Variants in PHYHIPL observed in about 807,000 individuals in gnomAD.
PHYHIPL encodes phytanoyl-CoA 2-hydroxylase interacting protein like, also known as phytanoyl-CoA hydroxylase-interacting protein-like.
PHYHIPL carries 9 observed loss-of-function variants against 33.4 expected under a neutral mutation model. The ratio of observed to expected loss-of-function variants is 0.27; its 90% CI spans 0.16 to 0.47. PHYHIPL has a LOEUF of 0.47. PHYHIPL is among the 20% of genes least tolerant of loss of function. PHYHIPL has a pLI of 0.99. For synonymous variants in PHYHIPL, 153 were observed against 154.1 expected, an observed-to-expected ratio of 0.99 and a Z score of 0.05; for missense variants, 365 against 460.7, an observed-to-expected ratio of 0.79 and a Z score of 1.90.
rs539131572 is a variant in PHYHIPL at position 59,245,710 on chromosome 10, A to G, written c.*119A>G. On this transcript the variant is annotated 3_prime_UTR_variant, in exon 5 of 5. Coordinates refer to ENST00000373880, the MANE Select transcript of PHYHIPL (RefSeq NM_032439.4). ...AAGCATGCACATGCCACTGTCACCA[A>G]AACAAACAACTACCACTTTCCAAAT... 7.4e-5 allele frequency: 85 copies of G among 1,143,134 alleles called. No individual in the cohort carries two copies. The South Asian group carries it at 1.3e-3, about 17-fold the overall frequency. The allele number at this position is 1,143,134 out of a possible 1,614,324, so 70.8% of individuals were successfully genotyped here. A position where few individuals can be genotyped will look rare whatever the true frequency, so the allele number is the denominator to read the frequency against.
chr10:59,200,851 G>A (rs1176035170), intron 1 of PHYHIPL, among the ~76,000 whole-genome samples: 2 of 152,162 alleles, frequency 1.3e-5, no homozygotes, highest in African/African-American at 4.8e-5. Flanking sequence ...GCATAGAGAT[G>A]TTCATAGTAT....
intron 1 of PHYHIPL, chr10:59,177,393 A>C (rs1838283218): frequency 7.4e-7 from 1 of 1,353,884 alleles, no homozygotes; most frequent in African/African-American, 1.5e-5. Flanking sequence ...TCTTCCAGAA[A>C]CTTATCATTT....
chr10:59,200,016 A>T (rs763212055), intron 1 of PHYHIPL, among the ~76,000 whole-genome samples: 3 of 152,120 alleles, frequency 2.0e-5, no homozygotes, highest in Admixed American at 6.5e-5. Context: ...GGTCAATTTG[A>T]CTTCCTCTTT....
At chr10:59,180,316 A>ATGTGTG (rs1219566088) in intron 1 of PHYHIPL, among the ~76,000 whole-genome samples, 39 of 5,890 alleles carry the variant, frequency 6.6e-3, no homozygotes, top group African/African-American at 0.021. Flanking sequence ...TAGAAAAAGT[A>ATGTGTG]TATATATATA....
intron 1 of PHYHIPL, among the ~76,000 whole-genome samples, chr10:59,218,993 C>G (rs956572949): frequency 6.6e-6 from 1 of 151,986 alleles, no homozygotes; most frequent in Admixed American, 6.6e-5. Context: ...AGCAGTGGCA[C>G]AATCTCGGCT....
intron 1 of PHYHIPL, among the ~76,000 whole-genome samples, chr10:59,200,213 C>G (rs1163279559): frequency 6.6e-6 from 1 of 152,052 alleles, no homozygotes; most frequent in African/African-American, 2.4e-5. Flanking sequence ...CAACTCTTAT[C>G]ATTTTGAGAT....
At chr10:59,199,006 T>G (rs1378947233) in intron 1 of PHYHIPL, among the ~76,000 whole-genome samples, 1 of 152,188 alleles carries the variant, frequency 6.6e-6, no homozygotes, top group East Asian at 1.9e-4. Context: ...TTCTGTACGT[T>G]GCCTGTTCAC....
At chr10:59,229,019 A>G (rs1840004397) in intron 1 of PHYHIPL, among the ~76,000 whole-genome samples, 2 of 152,120 alleles carry the variant, frequency 1.3e-5, no homozygotes, top group South Asian at 4.1e-4. Context: ...AATAAGTTAG[A>G]TATGTTCTAT....
intron 4 of PHYHIPL, among the ~76,000 whole-genome samples, chr10:59,243,308 A>G (rs142585992): frequency 1.3e-5 from 2 of 152,216 alleles, no homozygotes; most frequent in African/African-American, 4.8e-5. Context: ...ATATCCTTCA[A>G]TAATAAAAGG....
chr10:59,218,737 T>C (rs1488278840), intron 1 of PHYHIPL, among the ~76,000 whole-genome samples: 1 of 127,076 alleles, frequency 7.9e-6, no homozygotes, highest in African/African-American at 2.6e-5. Flanking sequence ...TACATAATTA[T>C]AAATATTGAG....
At chr10:59,231,726 A>C (rs1275475636) in intron 1 of PHYHIPL, among the ~76,000 whole-genome samples, 1 of 152,134 alleles carries the variant, frequency 6.6e-6, no homozygotes, top group African/African-American at 2.4e-5. Context: ...TTACAAATCT[A>C]TCTCTATCTA....
In PHYHIPL at chr10:59,247,541, T is replaced by C; in HGVS notation, c.*1950T>C. 9 of 1,591,642 alleles carry C rather than the reference T, an allele frequency of 5.7e-6. No homozygotes were observed. The highest frequency in any genetic ancestry group is 7.7e-6 in the Non-Finnish European group (9 of 1,165,358). ...CCATTTTCATTGTGTCAAAACTACTTAGCAAGGATGGCAGAGGAAAATAAA... is the reference window on the plus strand; with the variant it reads ...CCATTTTCATTGTGTCAAAACTACTCAGCAAGGATGGCAGAGGAAAATAAA... On this transcript the variant is annotated 3_prime_UTR_variant, in exon 5 of 5. Coordinates refer to ENST00000373880, the MANE Select transcript of PHYHIPL (RefSeq NM_032439.4).
rs1589313648 is a variant in PHYHIPL at position 59,247,353 on chromosome 10, G to C, written c.*1762G>C. 2.4e-6 allele frequency: 1 copy of C among 420,776 alleles called. No individual in the cohort carries two copies. Among genetic ancestry groups the C allele is most frequent in the African/African-American group, 2.1e-5 (1 of 47,634 alleles). The allele number at this position is 420,776 out of a possible 1,614,324, so 26.1% of individuals were successfully genotyped here. ...ATATTAGACATTTTTAAAAATACTT[G>C]TATTGACTATGAGTTTTCTGCTTGG... On this transcript the variant is annotated 3_prime_UTR_variant, in exon 5 of 5. Coordinates refer to ENST00000373880, the MANE Select transcript of PHYHIPL (RefSeq NM_032439.4).
intron 1 of PHYHIPL, among the ~76,000 whole-genome samples, chr10:59,215,264 A>T (rs2436569): frequency 3.3e-5 from 5 of 151,810 alleles, no homozygotes; most frequent in Non-Finnish European, 7.4e-5. Context: ...TACAGAAAAG[A>T]TCATTGCCTT....
At chr10:59,205,954 G>C (rs749037221) in intron 1 of PHYHIPL, among the ~76,000 whole-genome samples, 1 of 152,134 alleles carries the variant, frequency 6.6e-6, no homozygotes, top group Non-Finnish European at 1.5e-5. Flanking sequence ...ATACTGTAAG[G>C]AACTTAAGGT....
Position 59,245,498 on chromosome 10 carries a change from A to G in PHYHIPL, c.1038A>G (p.Ala346=). Residue 346 remains alanine (A), a synonymous_variant, in exon 5 of 5, where the codon GCA becomes GCG. Coordinates refer to ENST00000373880, the MANE Select transcript of PHYHIPL (RefSeq NM_032439.4). ...DPVDLSVGTV[A]EITGHQLMSL... is the part of the protein sequence containing the mutation. ...TGGATCTTTCTGTGGGCACCGTGGC[A>G]GAAATCACTGGTCATCAGCTCATGA... 6.2e-7 allele frequency: 1 copy of G among 1,614,204 alleles called. No individual in the cohort carries two copies. Among genetic ancestry groups the G allele is most frequent in the Non-Finnish European group, 8.5e-7 (1 of 1,180,030 alleles).
intron 1 of PHYHIPL, among the ~76,000 whole-genome samples, chr10:59,232,913 A>G (rs1170201485): frequency 6.6e-6 from 1 of 151,906 alleles, no homozygotes; most frequent in Admixed American, 6.6e-5. Flanking sequence ...CAAGGCCATT[A>G]TAAGGATTTC....
At chr10:59,187,193 A>G (rs1838633227) in intron 1 of PHYHIPL, among the ~76,000 whole-genome samples, 1 of 152,206 alleles carries the variant, frequency 6.6e-6, no homozygotes, top group Non-Finnish European at 1.5e-5. Flanking sequence ...AATTTTGTCA[A>G]AGGCCTTTTC....
intron 1 of PHYHIPL, chr10:59,206,901 A>C: frequency 3.0e-6 from 2 of 677,592 alleles, no homozygotes; most frequent in Non-Finnish European, 3.8e-6. Flanking sequence ...AAATTATGGA[A>C]AGTGTGACAT....
Sources: gnomAD v4.1 joint callset for allele counts (sites outside exome capture counted in the v4.1 genomes callset) on GRCh38, gnomAD v4.1.1 for gene constraint, MANE v1.5 for transcripts, NCBI Gene and HGNC (gene_info 2026-07-23, HGNC 2026-07-21) for gene names.